KCNK13: variants seen among roughly 807,000 people sequenced by gnomAD.
KCNK13 encodes potassium channel subfamily K member 13.
KCNK13 carries 12 observed loss-of-function variants against 23.4 expected under a neutral mutation model. That is an observed-to-expected ratio of 0.51 (90% CI 0.33 to 0.83). The LOEUF is 0.83. KCNK13 is among the 40% of genes least tolerant of loss of function. The pLI is 0.02. For synonymous variants in KCNK13, 231 were observed against 229.5 expected, an observed-to-expected ratio of 1.01 and a Z score of -0.06; for missense variants, 463 against 556.3, an observed-to-expected ratio of 0.83 and a Z score of 1.69.
intron 1 of KCNK13, among the ~76,000 whole-genome samples, chr14:90,174,372 A>G (rs1483451804): frequency 6.6e-6 from 1 of 152,164 alleles, no homozygotes; most frequent in African/African-American, 2.4e-5. Flanking sequence ...CTCCCTCACT[A>G]TCATGAGAAC....
At chr14:90,168,128 C>T (rs535108597) in intron 1 of KCNK13, among the ~76,000 whole-genome samples, 32 of 152,218 alleles carry the variant, frequency 2.1e-4, no homozygotes, top group African/African-American at 7.7e-4. Flanking sequence ...AATCCCAGCA[C>T]TTTGGGAGGC....
chr14:90,078,607 G>A (rs149108393), intron 1 of KCNK13, among the ~76,000 whole-genome samples: 14 of 152,026 alleles, frequency 9.2e-5, no homozygotes, highest in African/African-American at 3.1e-4. Flanking sequence ...GAGAAAGAAA[G>A]AGAGGGAGGG....
Position 90,062,254 on chromosome 14 carries a change from A to G in KCNK13, c.49A>G (p.Asn17Asp), listed in dbSNP as rs1888951679. The change falls in exon 1 of 2, where the codon AAC becomes GAC. Residue 17 changes from asparagine (N) to aspartate (D), a missense_variant. By Grantham distance (23) the Asn-to-Asp change is conservative. Around this residue, in one of 3 missense-constraint regions of KCNK13, gnomAD observed 153 missense variants for 153.6 expected, o/e 1.00. Coordinates refer to ENST00000282146, the MANE Select transcript of KCNK13 (RefSeq NM_022054.4). This position sits in a 1 kb window ranked among gnomAD's most constrained non-coding sequence, Gnocchi z 4.5. ...SWGPGHLNED[N>D]ARFLLLAALI... is the part of the protein sequence containing the mutation. The stretch of plus-strand genomic sequence containing the variant: ...GGGCCCGGGCCACCTGAACGAGGAC[A>G]ACGCGCGCTTTCTGCTGCTGGCCGC... 4 of 1,473,766 alleles carry G rather than the reference A, an allele frequency of 2.7e-6. No homozygotes were observed. Among genetic ancestry groups the G allele is most frequent in the Non-Finnish European group, 3.6e-6 (4 of 1,112,190 alleles). The allele number at this position is 1,473,766 out of a possible 1,614,324, so 91.3% of individuals were successfully genotyped here. A position where few individuals can be genotyped will look rare whatever the true frequency, so the allele number is the denominator to read the frequency against.
At chr14:90,177,016 C>T (rs950251914) in intron 1 of KCNK13, among the ~76,000 whole-genome samples, 1 of 151,950 alleles carries the variant, frequency 6.6e-6, no homozygotes, top group Non-Finnish European at 1.5e-5. Context: ...GGGACTCCAT[C>T]TCAAAAAATA....
At chr14:90,079,845 C>T (rs1272886177) in intron 1 of KCNK13, among the ~76,000 whole-genome samples, 1 of 152,204 alleles carries the variant, frequency 6.6e-6, no homozygotes, top group Non-Finnish European at 1.5e-5. Flanking sequence ...GTCATGTTTT[C>T]ATGACAGACA....
chr14:90,085,779 TTA>T (rs1566948841), intron 1 of KCNK13, among the ~76,000 whole-genome samples: 1 of 106,168 alleles, frequency 9.4e-6, no homozygotes, highest in Non-Finnish European at 1.9e-5. Context: ...ATTATATATA[TTA>T]TATATTATAT....
intron 1 of KCNK13, among the ~76,000 whole-genome samples, chr14:90,125,598 C>T (rs553675390): frequency 2.1e-4 from 12 of 56,952 alleles, no homozygotes; most frequent in Admixed American, 1.1e-3. Context: ...AACACACACA[C>T]GCACACACAC....
At chr14:90,092,419 T>C (rs1482744088) in intron 1 of KCNK13, among the ~76,000 whole-genome samples, 4 of 152,164 alleles carry the variant, frequency 2.6e-5, no homozygotes, top group African/African-American at 9.7e-5. Flanking sequence ...GGGGAAAATG[T>C]AGGTTATGAA....
intron 1 of KCNK13, among the ~76,000 whole-genome samples, chr14:90,159,334 G>T (rs1441424755): frequency 7.9e-5 from 12 of 152,180 alleles, no homozygotes; most frequent in Non-Finnish European, 1.6e-4. Flanking sequence ...AGACCTTTCT[G>T]CCCTGATTAG....
intron 1 of KCNK13, among the ~76,000 whole-genome samples, chr14:90,092,015 A>G (rs566332486): frequency 2.1e-5 from 3 of 146,158 alleles, no homozygotes; most frequent in Admixed American, 1.4e-4. Flanking sequence ...TCTGCCTCCC[A>G]GGTTCACGCC....
intron 1 of KCNK13, among the ~76,000 whole-genome samples, chr14:90,119,300 G>A (rs10135225): frequency 0.27 from 41,176 of 151,910 alleles, 5,794 homozygotes; most frequent in East Asian, 0.37. Context: ...CTATGAGGCC[G>A]GGGTCATTCT....
At chr14:90,161,947 G>C (rs150974784) in intron 1 of KCNK13, among the ~76,000 whole-genome samples, 1 of 152,158 alleles carries the variant, frequency 6.6e-6, no homozygotes, top group East Asian at 1.9e-4. Flanking sequence ...AGGAGGCCCA[G>C]GAAGGAGGAT....
At chr14:90,098,861 T>C (rs1015288879) in intron 1 of KCNK13, among the ~76,000 whole-genome samples, 19 of 152,176 alleles carry the variant, frequency 1.2e-4, no homozygotes, top group Non-Finnish European at 1.9e-4. Flanking sequence ...AGGTGGATCA[T>C]GAGATCAGGA....
intron 1 of KCNK13, among the ~76,000 whole-genome samples, chr14:90,078,584 G>C (rs1687044576): frequency 6.6e-6 from 1 of 151,290 alleles, no homozygotes; most frequent in Admixed American, 6.6e-5. Context: ...AAGAGAGAGA[G>C]AGAGGGAGAA....
At chr14:90,135,016 C>T (rs1889919033) in intron 1 of KCNK13, among the ~76,000 whole-genome samples, 1 of 152,166 alleles carries the variant, frequency 6.6e-6, no homozygotes, top group East Asian at 1.9e-4. Flanking sequence ...CCAAGGTTTA[C>T]TCAATTCATC....
At chr14:90,093,083 A>G (rs1889368669) in intron 1 of KCNK13, among the ~76,000 whole-genome samples, 2 of 152,236 alleles carry the variant, frequency 1.3e-5, no homozygotes, top group South Asian at 4.2e-4. Flanking sequence ...GTGTTGAGCC[A>G]GGCACTGCAC....
chr14:90,134,689 A>G (rs1365072443), intron 1 of KCNK13, among the ~76,000 whole-genome samples: 1 of 152,236 alleles, frequency 6.6e-6, no homozygotes, highest in African/African-American at 2.4e-5. Context: ...TAATCCTCAT[A>G]CTATTCTTCA....
chr14:90,063,854 G>A (rs992037043), intron 1 of KCNK13, among the ~76,000 whole-genome samples: 2 of 152,202 alleles, frequency 1.3e-5, no homozygotes, highest in African/African-American at 2.4e-5. Flanking sequence ...CACAGGAGGC[G>A]AGGCAGAGGA....
At chr14:90,123,968 C>G (rs1159742150) in intron 1 of KCNK13, among the ~76,000 whole-genome samples, 1 of 152,110 alleles carries the variant, frequency 6.6e-6, no homozygotes, top group Non-Finnish European at 1.5e-5. Flanking sequence ...TCTGAGGGGC[C>G]TTGGCATAGA....
Sources: gnomAD v4.1 joint callset for allele counts (sites outside exome capture counted in the v4.1 genomes callset) on GRCh38, gnomAD v4.1.1 for gene constraint, gnomAD v4.1.1 regional missense constraint, Gnocchi (gnomAD v3.1) non-coding constraint, MANE v1.5 for transcripts, NCBI Gene and HGNC (gene_info 2026-07-23, HGNC 2026-07-21) for gene names.